SCN9A: variants seen among roughly 807,000 people sequenced by gnomAD.
SCN9A encodes the protein sodium channel protein type 9 subunit alpha.
SCN9A carries 131 observed loss-of-function variants against 187.0 expected under a neutral mutation model. The ratio of observed to expected loss-of-function variants is 0.70; its 90% CI spans 0.61 to 0.81. The LOEUF is 0.81. Among genes scored for constraint, SCN9A ranks in the 30% least tolerant of loss-of-function variants. The probability of loss-of-function intolerance (pLI) is 0.00; values close to 1 mark genes in which losing one functional copy is unlikely to be tolerated. For missense variants in SCN9A, 2,252 were observed against 2,396.6 expected, an observed-to-expected ratio of 0.94 and a Z score of 1.26; for synonymous variants, 809 against 808.6, an observed-to-expected ratio of 1.00 and a Z score of -0.01.
At chr2:166,325,877 A>G (rs1257791792) in intron 1 of SCN9A, among the ~76,000 whole-genome samples, 5 of 152,174 alleles carry the variant, frequency 3.3e-5, no homozygotes, top group Admixed American at 6.5e-5. Flanking sequence ...CTGGTTTATA[A>G]CTACAAAAGC....
Position 166,305,900 on chromosome 2 carries a change from T to G in SCN9A, c.488A>C (p.Tyr163Ser). 1 of 1,613,110 alleles carries G rather than the reference T, an allele frequency of 6.2e-7. No homozygotes were observed. Among genetic ancestry groups the G allele is most frequent in the Admixed American group, 1.7e-5 (1 of 59,914 alleles). The change falls in exon 5 of 27, where the codon TAT (tyrosine) becomes TCT (serine). Residue 163 changes from tyrosine (Y) to serine (S), a missense_variant. Physicochemically the swap from Tyr to Ser is moderately radical, Grantham distance 144 (BLOSUM62 -2). Transcript: ENST00000642356. ...KNVEYTFTGI[Y>S]TFESLVKILA... ...GATTTTTACAAGTGATTCAAAAGTATATATTCCAGTAAAAGTGTACCTAAA... is the reference window on the plus strand; with the variant it reads ...GATTTTTACAAGTGATTCAAAAGTAGATATTCCAGTAAAAGTGTACCTAAA...
Position 166,204,017 on chromosome 2 carries a change from T to C in SCN9A, c.4712A>G (p.His1571Arg), listed in dbSNP as rs778747708. The change falls in exon 26 of 27, where the codon CAC (histidine) becomes CGC (arginine). Residue 1571 changes from histidine to arginine, a missense_variant. Physicochemically the swap from His to Arg is conservative, Grantham distance 29 (BLOSUM62 0). Around this residue, in one of 7 missense-constraint regions of SCN9A, gnomAD observed 368 missense variants for 408.6 expected, o/e 0.90. Transcript: ENST00000642356. ...ATTCCATCCTACAGTGAAGTAGTAG[T>C]GTCTGAGGGAGATCAGTTTTAGCAC... is the stretch of plus-strand genomic sequence containing the variant. ...ECVLKLISLR[H>R]YYFTVGWNIF... 11 of 1,605,940 alleles carry C rather than the reference T, an allele frequency of 6.8e-6. No homozygotes were observed. Among genetic ancestry groups the C allele is most frequent in the Non-Finnish European group, 9.4e-6 (11 of 1,173,254 alleles).
In SCN9A at chr2:166,198,327, A is replaced by G. The variant is rs200996030; in HGVS notation, c.*345T>C. The G allele has an allele frequency of 1.6e-4, 30 of 192,264 alleles. No homozygotes were observed. The highest frequency in any genetic ancestry group is 2.9e-4 in the Non-Finnish European group (27 of 93,402). The allele number at this position is 192,264 out of a possible 1,614,324, so 11.9% of individuals were successfully genotyped here. The stretch of plus-strand genomic sequence containing the variant: ...CTGTATGCGTGTGTTGTTTATTTAC[A>G]TGGGAAACAAGACTAATTACAATCC... On this transcript the variant is annotated 3_prime_UTR_variant, in exon 27 of 27. Coordinates refer to ENST00000642356, the MANE Select transcript of SCN9A (RefSeq NM_001365536.1).
At chr2:166,213,484 A>G (rs1309167544) in intron 24 of SCN9A, among the ~76,000 whole-genome samples, 2 of 147,674 alleles carry the variant, frequency 1.4e-5, no homozygotes, top group African/African-American at 4.9e-5. Flanking sequence ...TAATAATAAT[A>G]ATAATAATAA....
At chr2:166,213,641 C>A (rs1053590526) in intron 24 of SCN9A, among the ~76,000 whole-genome samples, 3 of 152,060 alleles carry the variant, frequency 2.0e-5, no homozygotes, top group Non-Finnish European at 4.4e-5. Flanking sequence ...CTTCGAAAGT[C>A]ATTTTATGGG....
chr2:166,311,127 T>G (rs1181049522), intron 2 of SCN9A, among the ~76,000 whole-genome samples: 1 of 101,192 alleles, frequency 9.9e-6, no homozygotes, highest in Non-Finnish European at 2.0e-5. Context: ...GGGATAGCAT[T>G]GGGAGATATA....
intron 17 of SCN9A, among the ~76,000 whole-genome samples, chr2:166,264,732 C>G (rs73021668): frequency 0.013 from 1,900 of 151,894 alleles, 42 homozygotes; most frequent in African/African-American, 0.043. Flanking sequence ...GATGCTAGGT[C>G]ATAAAAGAGA....
At chr2:166,328,596 T>C (rs950132979) in intron 1 of SCN9A, among the ~76,000 whole-genome samples, 77 of 152,146 alleles carry the variant, frequency 5.1e-4, no homozygotes, top group Non-Finnish European at 1.0e-3. Context: ...GAATTAATCA[T>C]TGTACTAAAA....
At chr2:166,350,781 A>T (rs1700015471) in intron 1 of SCN9A, among the ~76,000 whole-genome samples, 1 of 152,168 alleles carries the variant, frequency 6.6e-6, no homozygotes, top group Non-Finnish European at 1.5e-5. Context: ...TCAAAGCTCA[A>T]AAAGAACATT....
intron 1 of SCN9A, among the ~76,000 whole-genome samples, chr2:166,363,862 A>G (rs997217528): frequency 6.6e-6 from 1 of 152,084 alleles, no homozygotes; most frequent in African/African-American, 2.4e-5. Flanking sequence ...GTCAAAATTG[A>G]AACTGTTGTG....
chr2:166,348,811 C>A (rs183730817), intron 1 of SCN9A, among the ~76,000 whole-genome samples: 172 of 152,088 alleles, frequency 1.1e-3, no homozygotes, highest in Middle Eastern at 0.01. Flanking sequence ...AGTTTTAAAC[C>A]TACAACTACT....
chr2:166,201,875 A>G (rs1305057259), intron 26 of SCN9A, among the ~76,000 whole-genome samples: 1 of 151,756 alleles, frequency 6.6e-6, no homozygotes, highest in South Asian at 2.1e-4. Flanking sequence ...TTTTCATGAC[A>G]TTTGAAAACA....
At chr2:166,348,090 G>C (rs2105293250) in intron 1 of SCN9A, among the ~76,000 whole-genome samples, 1 of 152,204 alleles carries the variant, frequency 6.6e-6, no homozygotes, top group East Asian at 1.9e-4. Flanking sequence ...ACAATCTGTG[G>C]CTCCAGAGAG....
In SCN9A at chr2:166,284,679, C is replaced by T. The variant is rs200213125; in HGVS notation, c.1748G>A (p.Ser583Asn). The change falls in exon 12 of 27, where the codon AGC becomes AAC. Residue 583 changes from serine (S) to asparagine (N), a missense_variant. Around this residue, in one of 7 missense-constraint regions of SCN9A, gnomAD observed 1,013 missense variants for 997.4 expected, o/e 1.02. Coordinates refer to ENST00000642356, the MANE Select transcript of SCN9A (RefSeq NM_001365536.1). ...GGGCACAAACAGTGAGCCCCTTCTG[C>T]TCTCATTGTCTCCAAAAATGCTGTG... is the stretch of plus-strand genomic sequence containing the variant. ...DEHSIFGDNE[S>N]RRGSLFVPHR... is the part of the protein sequence containing the mutation. 1 of 1,613,986 alleles carries T rather than the reference C, an allele frequency of 6.2e-7. No individual in the cohort carries two copies. The highest frequency in any genetic ancestry group is 1.1e-5 in the South Asian group (1 of 91,082).
intron 1 of SCN9A, among the ~76,000 whole-genome samples, chr2:166,329,574 GGTT>G (rs200579922): frequency 0.038 from 5,724 of 150,722 alleles, 358 homozygotes; most frequent in African/African-American, 0.13. Flanking sequence ...GTTGGGGGGG[GGTT>G]GTTGTTGTTG....
chr2:166,240,602 A>C (rs1202817328), intron 19 of SCN9A, among the ~76,000 whole-genome samples: 2 of 152,220 alleles, frequency 1.3e-5, no homozygotes, highest in African/African-American at 4.8e-5. Flanking sequence ...GTTACTAGGA[A>C]TACATTGCAT....
chr2:166,342,319 T>C (rs1051210985), intron 1 of SCN9A, among the ~76,000 whole-genome samples: 2 of 152,324 alleles, frequency 1.3e-5, no homozygotes, highest in East Asian at 3.9e-4. Context: ...TATGGAGATG[T>C]CCCTGTTTGG....
At chr2:166,251,200 A>G (rs572939028) in intron 18 of SCN9A, among the ~76,000 whole-genome samples, 1 of 152,172 alleles carries the variant, frequency 6.6e-6, no homozygotes, top group Non-Finnish European at 1.5e-5. Context: ...TCAGAATAAG[A>G]AAAGATAACT....
At chr2:166,346,895 C>A (rs1699913803) in intron 1 of SCN9A, among the ~76,000 whole-genome samples, 1 of 152,098 alleles carries the variant, frequency 6.6e-6, no homozygotes, top group Non-Finnish European at 1.5e-5. Flanking sequence ...CAGACATTTG[C>A]ACAATAGTTT....
Sources: allele counts gnomAD v4.1 joint callset (sites outside exome capture counted in the v4.1 genomes callset), GRCh38; gene constraint gnomAD v4.1.1; regional missense constraint gnomAD v4.1.1; transcripts MANE v1.5; gene names NCBI Gene and HGNC (gene_info 2026-07-23, HGNC 2026-07-21).